The following NBAS variants were observed in gnomAD, a reference collection of about 807,000 sequenced individuals.
NBAS encodes NBAS subunit of NRZ tethering complex, also known as NAG/BC035112 fusion.
NBAS carries 219 observed loss-of-function variants against 302.5 expected under a neutral mutation model. The observed-to-expected ratio is 0.72, with a 90% CI of 0.65 to 0.81. The LOEUF is 0.81. NBAS is among the 30% of genes least tolerant of loss of function. The probability of loss-of-function intolerance (pLI) is 0.00; values close to 1 mark genes in which losing one functional copy is unlikely to be tolerated. For missense variants in NBAS, 2,932 were observed against 2,841.6 expected (o/e 1.03, Z -0.72); for synonymous variants, 1,118 against 1,021.6 (o/e 1.09, Z -1.80).
rs1196322632 is a variant in NBAS, at chr2:15,218,836, GTCC to G, written c.6366_6368del (p.Glu2122del). ...TTCTAAAGAACACGAGGAGCTTGCTGTCCTCCTCAGTCAGGTGAAATGATTGCC... is the reference window on the plus strand; with the variant it reads ...TTCTAAAGAACACGAGGAGCTTGCTGTCCTCAGTCAGGTGAAATGATTGCC... On this transcript the variant is annotated inframe_deletion, in exon 48 of 52. Coordinates refer to ENST00000281513, the MANE Select transcript of NBAS (RefSeq NM_015909.4). 6.2e-7 allele frequency: 1 copy of G among 1,614,240 alleles called. No homozygotes were observed. Among genetic ancestry groups the G allele is most frequent in the South Asian group, 1.1e-5 (1 of 91,084 alleles).
the NBAS span, among the ~76,000 whole-genome samples, chr2:14,845,243 A>G: frequency 6.6e-6 from 1 of 152,208 alleles, no homozygotes; most frequent in East Asian, 1.9e-4. Context: ...AGGTAAAAGA[A>G]AAGAACAAGA....
the NBAS span, among the ~76,000 whole-genome samples, chr2:14,933,721 G>A: frequency 6.6e-6 from 1 of 152,150 alleles, no homozygotes; most frequent in South Asian, 2.1e-4. Flanking sequence ...AAGGCATGAT[G>A]ATACGTGAGC....
chr2:15,540,672 T>C (rs1260523221), intron 6 of NBAS, among the ~76,000 whole-genome samples: 1 of 151,972 alleles, frequency 6.6e-6, no homozygotes, highest in South Asian at 2.1e-4. Context: ...AACCCACTCA[T>C]ACCACGACAA....
At position 15,424,212 on chromosome 2, in the gene NBAS, A is replaced by G. The variant is rs142596972; in HGVS notation, c.2577+103T>C. 6.3e-4 allele frequency: 817 copies of G among 1,294,724 alleles called. 4 individuals carry two copies. In the African/African-American group the frequency reaches 0.01, roughly 16 times the overall value. The allele number at this position is 1,294,724 out of a possible 1,614,324, so 80.2% of individuals were successfully genotyped here. On this transcript the variant is annotated intron_variant, in intron 23 of 51. Transcript: ENST00000281513. ...CAATTCATCTCTTGCAATTATATAC[A>G]TGATTCCTGCACTGCTGTCAGCCCC...
intron 1 of NBAS, among the ~76,000 whole-genome samples, chr2:15,560,827 C>G (rs541703799): frequency 2.4e-4 from 36 of 152,114 alleles, no homozygotes; most frequent in Non-Finnish European, 2.9e-5. Flanking sequence ...GGAGAAAGGA[C>G]CCTCGAGTCC....
chr2:15,472,406 G>C (rs1450527843), intron 16 of NBAS, among the ~76,000 whole-genome samples: 4 of 152,184 alleles, frequency 2.6e-5, no homozygotes, highest in African/African-American at 9.7e-5. Context: ...TGAGAGGGAA[G>C]CTTCCCAGAC....
At chr2:15,189,839 G>A (rs1375337127) in intron 49 of NBAS, among the ~76,000 whole-genome samples, 1 of 152,138 alleles carries the variant, frequency 6.6e-6, no homozygotes, top group Non-Finnish European at 1.5e-5. Context: ...ACCTTCCCTT[G>A]TAGGTGTGTT....
the NBAS span, among the ~76,000 whole-genome samples, chr2:14,898,478 G>T: frequency 6.6e-6 from 1 of 152,148 alleles, no homozygotes; most frequent in Non-Finnish European, 1.5e-5. Flanking sequence ...TTTCTAAGCC[G>T]CATAGTAAGT....
chr2:14,834,982 T>C, the NBAS span, among the ~76,000 whole-genome samples: 1 of 151,982 alleles, frequency 6.6e-6, no homozygotes, highest in Non-Finnish European at 1.5e-5. Flanking sequence ...AGGAAGTGCC[T>C]AGAAATGAAC....
At chr2:14,813,653 A>C in the NBAS span, among the ~76,000 whole-genome samples, 1 of 152,240 alleles carries the variant, frequency 6.6e-6, no homozygotes, top group Non-Finnish European at 1.5e-5. Flanking sequence ...AAAGGCAAGC[A>C]GTAAGGTTAC....
chr2:14,984,335 C>T, the NBAS span, among the ~76,000 whole-genome samples: 1 of 152,148 alleles, frequency 6.6e-6, no homozygotes, highest in Admixed American at 6.5e-5. Flanking sequence ...GACTCCCATG[C>T]CTTCAAGGTG....
rs1558367266 is a variant in NBAS, at chr2:15,468,449, G to A, written c.1810C>T (p.Gln604Ter). Residue 604 changes from glutamine to a stop codon, truncating the protein, a stop_gained, in exon 17 of 52, where the codon CAG becomes TAG. Coordinates refer to ENST00000281513, the MANE Select transcript of NBAS (RefSeq NM_015909.4). LOFTEE classifies it high-confidence loss of function. ...ENVDAAKELL[Q>*]YGLKGTDLEA... ...AGGTCTGTGCCTTTTAATCCATACT[G>A]AAGCAGTTCTTTTGCAGCATCCACA... The A allele has an allele frequency of 1.9e-6, 3 of 1,613,986 alleles. No homozygotes were observed. Among genetic ancestry groups the A allele is most frequent in the Non-Finnish European group, 2.5e-6 (3 of 1,179,948 alleles).
chr2:14,849,629 C>T, the NBAS span, among the ~76,000 whole-genome samples: 1 of 143,136 alleles, frequency 7.0e-6, no homozygotes, highest in Non-Finnish European at 1.5e-5. Context: ...ACATAATTGT[C>T]AGATTCACCA....
At chr2:15,212,888 A>G (rs545429610) in intron 48 of NBAS, among the ~76,000 whole-genome samples, 1 of 152,232 alleles carries the variant, frequency 6.6e-6, no homozygotes, top group East Asian at 1.9e-4. Context: ...TCCTTTATAA[A>G]CTATCCAGTT....
chr2:15,544,388 G>A (rs1162322470), intron 6 of NBAS, among the ~76,000 whole-genome samples: 1 of 151,942 alleles, frequency 6.6e-6, no homozygotes, highest in African/African-American at 2.4e-5. Context: ...GCGGGAAAGA[G>A]GGAAGCAGGG....
At chr2:15,535,587 T>C (rs1267907952) in intron 8 of NBAS, among the ~76,000 whole-genome samples, 1 of 147,282 alleles carries the variant, frequency 6.8e-6, no homozygotes, top group Non-Finnish European at 1.5e-5. Flanking sequence ...TAAAATAAAA[T>C]GGCATAGTAT....
At chr2:15,248,887 G>A (rs1668229572) in intron 44 of NBAS, among the ~76,000 whole-genome samples, 1 of 152,136 alleles carries the variant, frequency 6.6e-6, no homozygotes, top group Non-Finnish European at 1.5e-5. Flanking sequence ...GAGATACAAA[G>A]AGGAGCTGGT....
chr2:15,348,714 A>G (rs1673211590), intron 35 of NBAS, among the ~76,000 whole-genome samples: 1 of 152,110 alleles, frequency 6.6e-6, no homozygotes, highest in South Asian at 2.1e-4. Context: ...AAAAAAAAAA[A>G]AAATCCACTT....
the NBAS span, among the ~76,000 whole-genome samples, chr2:14,868,746 C>T: frequency 2.0e-5 from 3 of 152,320 alleles, no homozygotes; most frequent in South Asian, 6.2e-4. Context: ...ATGGCTTTGT[C>T]TTTCCAACAC....
Sources: allele counts gnomAD v4.1 joint callset (sites outside exome capture counted in the v4.1 genomes callset), GRCh38; gene constraint gnomAD v4.1.1; transcripts MANE v1.5; gene names NCBI Gene and HGNC (gene_info 2026-07-23, HGNC 2026-07-21).